ZNF577: variants seen among roughly 807,000 people sequenced by gnomAD.
ZNF577 encodes the protein zinc finger protein 577.
A neutral mutation model predicts 13.9 loss-of-function variants in ZNF577; 14 were observed. The observed-to-expected ratio is 1.00, with a 90% CI of 0.66 to 1.57. ZNF577 has a LOEUF of 1.57. ZNF577 is among the 40% of genes most tolerant of loss of function. The pLI is 0.00. For missense variants in ZNF577, 555 were observed against 579.2 expected (o/e 0.96, Z 0.43); for synonymous variants, 203 against 202.9 (o/e 1.00, Z 0.00).
At chr19:51,848,653 G>C (rs2084366036) in intron 5 of ZNF577, among the ~76,000 whole-genome samples, 1 of 152,114 alleles carries the variant, frequency 6.6e-6, no homozygotes, top group African/African-American at 2.4e-5. Context: ...CCACAATCCA[G>C]GCCACAAGAA....
chr19:51,836,660 G>A (rs1199246447), intron 9 of ZNF577, among the ~76,000 whole-genome samples: 4 of 152,168 alleles, frequency 2.6e-5, no homozygotes, highest in African/African-American at 9.7e-5. Context: ...TCTGTCAACT[G>A]GTGAGTGGAT....
intron 5 of ZNF577, among the ~76,000 whole-genome samples, chr19:51,855,412 C>A (rs2084409156): frequency 9.6e-6 from 1 of 104,094 alleles, no homozygotes; most frequent in Non-Finnish European, 2.1e-5. Flanking sequence ...TGTGTGTCTA[C>A]TTCAATGCTC....
intron 8 of ZNF577, chr19:51,840,191 G>T (rs1417548334): frequency 6.6e-6 from 1 of 152,200 alleles, no homozygotes; most frequent in African/African-American, 2.4e-5. Flanking sequence ...TACCAGCAGC[G>T]TTGTGCATTC....
chr19:51,881,557 T>C (rs572695405), intron 1 of ZNF577, among the ~76,000 whole-genome samples: 2 of 152,210 alleles, frequency 1.3e-5, no homozygotes, highest in South Asian at 2.1e-4. Flanking sequence ...TTCTTCCTCA[T>C]TAGTAGCATG....
chr19:51,855,367 C>CTCTGTGTGTG (rs1415147303), intron 5 of ZNF577, among the ~76,000 whole-genome samples: 2 of 143,460 alleles, frequency 1.4e-5, no homozygotes, highest in African/African-American at 5.3e-5. Flanking sequence ...GCTGAGGGTG[C>CTCTGTGTGTG]TGTGTGTGTG....
chr19:51,866,033 TG>T (rs1339291995), downstream of ZNF577, among the ~76,000 whole-genome samples: 2 of 151,878 alleles, frequency 1.3e-5, no homozygotes, highest in South Asian at 2.1e-4. Flanking sequence ...GAGAATTGCT[TG>T]AACTCGGGAG....
rs1166226716 is a variant in ZNF577, at chr19:51,811,970, A to G, written c.*600-296T>C. On this transcript the variant is annotated intron_variant and NMD_transcript_variant, in intron 9 of 10. Transcript: ENST00000638827. Reference sequence around the variant, plus strand: ...CCCACTAAATGTACTCACTTTGCCCATATTGTCTTGAGAAGGCAACTACAT... The same window carrying G: ...CCCACTAAATGTACTCACTTTGCCCGTATTGTCTTGAGAAGGCAACTACAT... Among the ~76,000 whole-genome samples, 7 of 152,292 alleles carry G rather than the reference A, an allele frequency of 4.6e-5. No individual in the cohort carries two copies. In the South Asian group the frequency reaches 1.0e-3, roughly 23 times the overall value.
intron 9 of ZNF577, among the ~76,000 whole-genome samples, chr19:51,837,424 G>T (rs2109656): frequency 6.6e-6 from 1 of 151,684 alleles, no homozygotes; most frequent in Non-Finnish European, 1.5e-5. Flanking sequence ...AAAGGTGTGA[G>T]TTTTGAGGGG....
At chr19:51,830,873 TC>T (rs1238651848) in intron 9 of ZNF577, among the ~76,000 whole-genome samples, 1 of 152,016 alleles carries the variant, frequency 6.6e-6, no homozygotes, top group African/African-American at 2.4e-5. Context: ...CATAAATGAC[TC>T]CCCCTAAACA....
chr19:51,885,743 G>C (rs570680393), intron 1 of ZNF577, among the ~76,000 whole-genome samples: 25 of 152,220 alleles, frequency 1.6e-4, no homozygotes, highest in African/African-American at 5.8e-4. Context: ...CCTGATCTCA[G>C]GTGATCTATC....
chr19:51,876,187 T>C (rs940799165), intron 5 of ZNF577, among the ~76,000 whole-genome samples: 3 of 152,166 alleles, frequency 2.0e-5, no homozygotes, highest in African/African-American at 7.2e-5. Context: ...ATGAAGCTAT[T>C]TGTCAGAAGA....
intron 5 of ZNF577, among the ~76,000 whole-genome samples, chr19:51,851,220 C>G (rs1224657163): frequency 6.6e-6 from 1 of 151,944 alleles, no homozygotes; most frequent in South Asian, 2.1e-4. Flanking sequence ...TTTCAGATAC[C>G]CCATCTTATT....
chr19:51,852,204 A>G lies in ZNF577; in HGVS notation c.284-7273T>C, dbSNP rs564124416. 1.6e-4 allele frequency among the ~76,000 whole-genome samples: 25 copies of G among 152,334 alleles called. No homozygotes were observed. The South Asian group carries it at 3.7e-3, about 23-fold the overall frequency. ...TCCTGCTCTTTGGAAAGCTCATTTC[A>G]ATCAAGTCTGCAGGAGGTAGCCATC... On this transcript the variant is annotated intron_variant and NMD_transcript_variant, in intron 5 of 10. Coordinates refer to the ZNF577 transcript ENST00000638827.
At chr19:51,836,502 T>A (rs1016887755) in intron 9 of ZNF577, among the ~76,000 whole-genome samples, 2 of 152,220 alleles carry the variant, frequency 1.3e-5, no homozygotes, top group African/African-American at 4.8e-5. Context: ...GCCATTTCTA[T>A]GTCTTCTTCT....
chr19:51,855,284 T>C (rs946183448), intron 5 of ZNF577, among the ~76,000 whole-genome samples: 1 of 152,116 alleles, frequency 6.6e-6, no homozygotes, highest in African/African-American at 2.4e-5. Context: ...TGCAGTCACT[T>C]GAAGTCTTTT....
chr19:51,809,900 T>C (rs1393056677), intron 10 of ZNF577, among the ~76,000 whole-genome samples: 2 of 152,094 alleles, frequency 1.3e-5, no homozygotes, highest in Admixed American at 6.5e-5. Flanking sequence ...CCCTCATTGT[T>C]TGTGGGGCCT....
chr19:51,884,028 A>C (rs149046389), intron 1 of ZNF577, among the ~76,000 whole-genome samples: 2,283 of 152,310 alleles, frequency 0.015, 71 homozygotes, highest in African/African-American at 0.052. Context: ...GAGCCAAGAT[A>C]ACGCCACTGC....
intron 9 of ZNF577, among the ~76,000 whole-genome samples, chr19:51,822,948 T>C (rs527342250): frequency 1.3e-5 from 2 of 152,112 alleles, no homozygotes; most frequent in Non-Finnish European, 2.9e-5. Flanking sequence ...CTGCAACCTC[T>C]GCCTCCCAGG....
Position 51,880,794 on chromosome 19 carries a change from G to GCTAC in ZNF577, c.-139_-136dup, listed in dbSNP as rs576169334. The GCTAC allele has an allele frequency of 4.3e-5, 7 of 163,508 alleles. No homozygotes were observed. In the East Asian group the frequency reaches 1.3e-3, roughly 30 times the overall value. 10.1% of individuals were successfully genotyped at this position (163,508 alleles called of 1,614,324 possible). ...GTGGTCAGGTATCATCTCAGGTCAA[G>GCTAC]CTACCACTGGAAATGATGATCTTCC... On this transcript the variant is annotated 5_prime_UTR_variant, in exon 2 of 6. An upstream open reading frame in the 5' UTR gains an earlier in-frame stop. Coordinates refer to ENST00000638348, the MANE Select transcript of ZNF577 (RefSeq NM_001370449.1).
Sources: allele counts gnomAD v4.1 joint callset (sites outside exome capture counted in the v4.1 genomes callset), GRCh38; gene constraint gnomAD v4.1.1; transcripts MANE v1.5; gene names NCBI Gene and HGNC (gene_info 2026-07-23, HGNC 2026-07-21).